The following PNPLA4 variants were observed in gnomAD, a reference collection of about 807,000 sequenced individuals.
The protein encoded by PNPLA4 is patatin like domain 4, phospholipase and triacylglycerol lipase.
PNPLA4 carries 15 observed loss-of-function variants against 18.3 expected under a neutral mutation model. That is an observed-to-expected ratio of 0.82 (90% confidence interval 0.55 to 1.26). The LOEUF (loss-of-function observed/expected upper bound fraction) is 1.26. Among genes scored for constraint, PNPLA4 ranks in the 50% most tolerant of loss-of-function variants. PNPLA4 has a pLI of 0.00. For synonymous variants in PNPLA4, 88 were observed against 85.6 expected, an observed-to-expected ratio of 1.03 and a Z score of -0.16; for missense variants, 229 against 196.8, an observed-to-expected ratio of 1.16 and a Z score of -0.98.
intron 1 of PNPLA4, 62 bp from the exon 2 acceptor site, chrX:7,926,194 T>C (rs1924397696): frequency 1.2e-6 from 1 of 819,499 alleles, no homozygotes; most frequent in African/African-American, 2.0e-5. Flanking sequence ...TACTGTGTAG[T>C]CTTATGTTGA....
intron 4 of PNPLA4, among the ~76,000 whole-genome samples, chrX:7,921,019 C>T (rs1338583311): frequency 1.8e-5 from 2 of 111,947 alleles, no homozygotes; most frequent in Non-Finnish European, 3.8e-5. Flanking sequence ...CCTGTAATTC[C>T]AGCACTTTGG....
chrX:7,912,971 A>T (rs1422099261), intron 4 of PNPLA4, among the ~76,000 whole-genome samples: 2 of 111,737 alleles, frequency 1.8e-5, no homozygotes, highest in African/African-American at 6.5e-5. Context: ...CTCAGAAGGC[A>T]TTTCCTCCAA....
chrX:7,912,241 C>A (rs1372297294), intron 4 of PNPLA4, 148 bp from the exon 5 acceptor site: 1 of 371,516 alleles, frequency 2.7e-6, no homozygotes, highest in South Asian at 5.2e-5. Flanking sequence ...TAAAAGATAA[C>A]ACTTTATATC....
chrX:7,921,096 C>T (rs868000018), intron 4 of PNPLA4, among the ~76,000 whole-genome samples: 1 of 111,139 alleles, frequency 9.0e-6, no homozygotes, highest in African/African-American at 3.3e-5. Context: ...ACAGTGAAAC[C>T]CTGTCTCTAC....
intron 5 of PNPLA4, among the ~76,000 whole-genome samples, chrX:7,905,493 G>A (rs1318743121): frequency 1.3e-4 from 15 of 111,795 alleles, no homozygotes; most frequent in African/African-American, 4.9e-4. Flanking sequence ...GGTAGATGCT[G>A]GGGATATGTT....
chrX:7,922,197 G>C (rs943990321), intron 2 of PNPLA4, 99 bp from the exon 3 acceptor site: 23 of 602,820 alleles, frequency 3.8e-5, no homozygotes, highest in Non-Finnish European at 6.3e-5. Flanking sequence ...AGCAAATGTA[G>C]GGTGTCATGT....
rs780276685 is a variant in PNPLA4 at position 7,926,077 on chromosome X, C to G, written c.43G>C (p.Gly15Arg). The G allele has an allele frequency of 1.7e-6, 2 of 1,209,767 alleles. No homozygotes were observed. Among genetic ancestry groups the G allele is most frequent in the African/African-American group, 3.5e-5 (2 of 57,382 alleles). ...NLSFAACGFL[G>R]IYHLGAASAL... ...GATGCTGCCCCCAAGTGGTAAATGC[C>G]CAGAAATCCACACGCTGCAAATGAT... The change falls in exon 2 of 7, where the codon GGC becomes CGC. Residue 15 changes from glycine (G) to arginine (R), a missense_variant. Physicochemically the swap from Gly to Arg is moderately radical, Grantham distance 125 (BLOSUM62 -2). Transcript: ENST00000381042.
chrX:7,922,134 T>C (rs1290517850), intron 2 of PNPLA4, 36 bp from the exon 3 acceptor site: 9 of 976,883 alleles, frequency 9.2e-6, no homozygotes, highest in Non-Finnish European at 1.3e-5. Context: ...CCCTAGGTGT[T>C]GTAAAGAAAA....
rs763288363 is a variant in PNPLA4, at chrX:7,900,656, CGT to C, written c.*28_*29del. The C allele has an allele frequency of 2.9e-6, 3 of 1,026,479 alleles. No homozygotes were observed. Among genetic ancestry groups the C allele is most frequent in the Non-Finnish European group, 4.0e-6 (3 of 756,057 alleles). 84.6% of individuals were successfully genotyped at this position (1,026,479 alleles called of 1,213,427 possible). A position where few individuals can be genotyped will look rare whatever the true frequency, so the allele number is the denominator to read the frequency against. On this transcript the variant is annotated 3_prime_UTR_variant, in exon 7 of 7. Coordinates refer to ENST00000381042, the MANE Select transcript of PNPLA4 (RefSeq NM_004650.3). Reference sequence around the variant, plus strand: ...AACTTCCATCAAAAACTATCTAAAACGTGTTTTGCATTATAAACTTTTATGCA... The same window carrying C: ...AACTTCCATCAAAAACTATCTAAAACGTTTTGCATTATAAACTTTTATGCA...
In PNPLA4 at chrX:7,922,025, T is replaced by C. The variant is rs1366238071; in HGVS notation, c.254A>G (p.Tyr85Cys). The C allele has an allele frequency of 8.3e-7, 1 of 1,206,171 alleles. No homozygotes were observed. The highest frequency in any genetic ancestry group is 1.8e-5 in the African/African-American group (1 of 57,069). Residue 85 changes from tyrosine to cysteine, a missense_variant, in exon 3 of 7, where the codon TAT (tyrosine) becomes TGT (cysteine). Physicochemically the swap from Tyr to Cys is radical, Grantham distance 194. Coordinates refer to ENST00000381042, the MANE Select transcript of PNPLA4 (RefSeq NM_004650.3). ...ATACCTTAGTCGGGCCATGAAGTCA[T>C]AACCGGGCGTTACTGCCCCGAAAGA... ...RQSFGAVTPGYDFMARLRSGM... is the reference protein window; with the variant it reads ...RQSFGAVTPGCDFMARLRSGM...
upstream of PNPLA4, chrX:7,927,713 C>T (rs1252686900): frequency 8.9e-6 from 1 of 112,928 alleles, no homozygotes; most frequent in Non-Finnish European, 1.9e-5. Context: ...TTCTGTGCCC[C>T]GGAAGTGCCT....
chrX:7,919,808 CCA>C (rs1199071526), intron 4 of PNPLA4, among the ~76,000 whole-genome samples: 2 of 112,008 alleles, frequency 1.8e-5, no homozygotes, highest in Non-Finnish European at 3.8e-5. Context: ...GACACATGAA[CCA>C]CAGTCACAGC....
At chrX:7,904,540 G>A (rs1304975503) in intron 5 of PNPLA4, among the ~76,000 whole-genome samples, 13 of 112,232 alleles carry the variant, frequency 1.2e-4, no homozygotes. Context: ...CTCACGAGCT[G>A]TATCACTTAG....
Position 7,899,692 on chromosome X carries a change from C to T in PNPLA4, c.*994G>A, listed in dbSNP as rs1923466155. On this transcript the variant is annotated 3_prime_UTR_variant, in exon 7 of 7. Transcript: ENST00000381042. ...GAGAGAGAGAGAGAATGAATGACAA[C>T]CAGCTTGATAATCTCCTAAACTGGG... 1 of 55,804 alleles carries T rather than the reference C, an allele frequency of 1.8e-5. No homozygotes were observed. The highest frequency in any genetic ancestry group is 3.3e-5 in the Non-Finnish European group (1 of 30,018). 4.6% of individuals were successfully genotyped at this position (55,804 alleles called of 1,213,427 possible).
chrX:7,927,148 G>C (rs1472160510), intron 1 of PNPLA4, 138 bp downstream of exon 1: 1 of 113,340 alleles, frequency 8.8e-6, no homozygotes, highest in Non-Finnish European at 1.9e-5. Context: ...AAGGGGGTTG[G>C]GTGTGTAGCA....
chrX:7,908,142 C>T (rs1232508837), intron 5 of PNPLA4, among the ~76,000 whole-genome samples: 6 of 111,218 alleles, frequency 5.4e-5, no homozygotes, highest in African/African-American at 2.0e-4. Context: ...TCCAGTAATA[C>T]CCGCAATGTA....
intron 2 of PNPLA4, among the ~76,000 whole-genome samples, chrX:7,923,878 G>A (rs1476348763): frequency 9.0e-6 from 1 of 110,881 alleles, no homozygotes; most frequent in Non-Finnish European, 1.9e-5. Flanking sequence ...GTGCCTTTGG[G>A]TGACATCACT....
Position 7,925,837 on chromosome X carries a change from G to A in PNPLA4, c.180+103C>T, listed in dbSNP as rs981878307. On this transcript the variant is annotated intron_variant, in intron 2 of 6. Coordinates refer to ENST00000381042, the MANE Select transcript of PNPLA4 (RefSeq NM_004650.3). ...TAATCCTTTCTGTTTCCAAGCAAAC[G>A]ATTATTTCTCTGCAGTGTTAACTTA... 7 of 644,999 alleles carry A rather than the reference G, an allele frequency of 1.1e-5. No individual in the cohort carries two copies. In the Admixed American group the frequency reaches 2.6e-4, roughly 24 times the overall value. 53.2% of individuals were successfully genotyped at this position (644,999 alleles called of 1,213,427 possible). A position where few individuals can be genotyped will look rare whatever the true frequency, so the allele number is the denominator to read the frequency against.
intron 4 of PNPLA4, 82 bp downstream of exon 4, chrX:7,921,631 C>A (rs756467971): frequency 4.8e-6 from 4 of 838,672 alleles, no homozygotes; most frequent in Non-Finnish European, 7.1e-6. Context: ...ATCTAAAGAA[C>A]GTGGTAATGC....
Sources: gnomAD v4.1 joint callset for allele counts (sites outside exome capture counted in the v4.1 genomes callset) on GRCh38, gnomAD v4.1.1 for gene constraint, MANE v1.5 for transcripts, NCBI Gene and HGNC (gene_info 2026-07-23, HGNC 2026-07-21) for gene names.